The following MYT1 variants were observed in gnomAD, a reference collection of about 807,000 sequenced individuals.
The protein encoded by MYT1 is myelin transcription factor I.
Under a neutral mutation model 123.0 loss-of-function variants are expected in MYT1, and 23 were observed. That is an observed-to-expected ratio of 0.19 (90% CI 0.13 to 0.26). The LOEUF is 0.26. Ranked by LOEUF, MYT1 falls within the 10% of genes least tolerant of loss-of-function variation. The probability of loss-of-function intolerance (pLI) is 1.00; values close to 1 mark genes in which losing one functional copy is unlikely to be tolerated. For synonymous variants in MYT1, 518 were observed against 575.3 expected (o/e 0.90, Z 1.43); for missense variants, 1,125 against 1,472.5 (o/e 0.76, Z 3.86).
At chr20:64,200,244 G>A (rs371758296) in intron 4 of MYT1, among the ~76,000 whole-genome samples, 2 of 152,188 alleles carry the variant, frequency 1.3e-5, no homozygotes, top group African/African-American at 2.4e-5. Context: ...CTCTCTTACC[G>A]GACCCTCACA....
intron 1 of MYT1, among the ~76,000 whole-genome samples, chr20:64,183,977 T>C (rs1982727214): frequency 3.3e-5 from 5 of 152,062 alleles, no homozygotes; most frequent in Admixed American, 3.3e-4. Context: ...CGCACCGCCA[T>C]ACCCAGCTAA....
intron 10 of MYT1, 138 bp from the exon 11 acceptor site, chr20:64,216,929 G>A: frequency 1.3e-6 from 1 of 759,096 alleles, no homozygotes; most frequent in Non-Finnish European, 2.2e-6. Context: ...GAATATGCAG[G>A]GGTAGTGTCT....
At chr20:64,209,865 G>A (rs1983613511) in intron 7 of MYT1, among the ~76,000 whole-genome samples, 1 of 152,234 alleles carries the variant, frequency 6.6e-6, no homozygotes, top group Non-Finnish European at 1.5e-5. Context: ...TGGACCCAAA[G>A]AATGGCTTTG....
intron 1 of MYT1, among the ~76,000 whole-genome samples, chr20:64,171,634 G>A (rs909968699): frequency 6.7e-6 from 1 of 149,558 alleles, no homozygotes; most frequent in African/African-American, 2.5e-5. Context: ...CTGGCATCTG[G>A]AGGAACCCAA....
intron 4 of MYT1, among the ~76,000 whole-genome samples, chr20:64,204,831 A>G (rs6011342): frequency 0.11 from 17,131 of 152,194 alleles, 1,368 homozygotes; most frequent in African/African-American, 0.22. Context: ...ATGTATACAC[A>G]GTCTTTAATT....
rs917345282 is a variant in MYT1, at chr20:64,207,784, C to T, written c.588C>T (p.His196=). 9.3e-6 allele frequency: 15 copies of T among 1,613,724 alleles called. No individual in the cohort carries two copies. The highest frequency in any genetic ancestry group is 2.2e-5 in the South Asian group (2 of 91,058). The change falls in exon 7 of 23, where the codon CAC becomes CAT. Residue 196 remains histidine (H), a synonymous_variant. Transcript: ENST00000328439. ...QAAKPGPGIV[H]LLQEAAEGAA... is the part of the protein sequence containing the mutation. The stretch of plus-strand genomic sequence containing the variant: ...CCAAGCCAGGTCCTGGCATTGTGCA[C>T]CTGCTTCAGGAGGCTGCAGAGGGAG...
intron 1 of MYT1, among the ~76,000 whole-genome samples, chr20:64,184,302 G>A (rs1982737621): frequency 6.6e-6 from 1 of 151,958 alleles, no homozygotes; most frequent in Non-Finnish European, 1.5e-5. Context: ...ATGTGATCCA[G>A]TGCGAGCTAA....
chr20:64,221,839 C>T (rs1052771694), intron 13 of MYT1, 54 bp from the exon 14 acceptor site: 16 of 1,591,538 alleles, frequency 1.0e-5, no homozygotes, highest in East Asian at 2.3e-5. Context: ...CTGGGTTGGG[C>T]GCCCAGGCCT....
At position 64,185,965 on chromosome 20, in the gene MYT1, C is replaced by T. The variant is rs1260858547; in HGVS notation, c.-98-4098C>T. Among the ~76,000 whole-genome samples, 1 of 152,168 alleles carries T rather than the reference C, an allele frequency of 6.6e-6. No individual in the cohort carries two copies. Among genetic ancestry groups the T allele is most frequent in the East Asian group, 1.9e-4 (1 of 5,190 alleles). ...CTGGGTCAGGCTGGTCTCCAGTTTG[C>T]AGTGCTGCTGAGTTGGAAAAAGAGG... On this transcript the variant is annotated intron_variant, in intron 1 of 22. Coordinates refer to ENST00000328439, the MANE Select transcript of MYT1 (RefSeq NM_004535.3). The surrounding 1 kb of genome is among the most constrained non-coding windows in gnomAD (Gnocchi z 4.5).
intron 4 of MYT1, among the ~76,000 whole-genome samples, chr20:64,201,661 A>C (rs1983304731): frequency 6.6e-6 from 1 of 152,150 alleles, no homozygotes; most frequent in African/African-American, 2.4e-5. Context: ...ACACCACAGA[A>C]ATGGACTGAT....
rs1418760879 is a variant in MYT1, at chr20:64,232,388, A to G, written c.2897+3A>G. On this transcript the variant is annotated splice_donor_region_variant and intron_variant, in intron 19 of 22. Coordinates refer to ENST00000328439, the MANE Select transcript of MYT1 (RefSeq NM_004535.3). This position sits in a 1 kb window ranked among gnomAD's most constrained non-coding sequence, Gnocchi z 6.9. ...GGGAGTTTCCTCACCCACCGGAGGTAACTGTGCCTGCAGGTCCTGCCCCTC... is the reference window on the plus strand; with the variant it reads ...GGGAGTTTCCTCACCCACCGGAGGTGACTGTGCCTGCAGGTCCTGCCCCTC... 3 of 1,612,844 alleles carry G rather than the reference A, an allele frequency of 1.9e-6. No individual in the cohort carries two copies. The highest frequency in any genetic ancestry group is 2.5e-6 in the Non-Finnish European group (3 of 1,179,852).
intron 16 of MYT1, among the ~76,000 whole-genome samples, chr20:64,226,598 G>T (rs927899325): frequency 2.6e-5 from 4 of 152,212 alleles, no homozygotes; most frequent in Non-Finnish European, 4.4e-5. Context: ...GGATCTACCC[G>T]CAGAATCAGG....
rs546135291 is a variant in MYT1, at chr20:64,185,377, T to C, written c.-98-4686T>C. 2.0e-5 allele frequency among the ~76,000 whole-genome samples: 3 copies of C among 152,234 alleles called. No individual in the cohort carries two copies. The East Asian group carries it at 5.8e-4, about 29-fold the overall frequency. On this transcript the variant is annotated intron_variant, in intron 1 of 22. Coordinates refer to ENST00000328439, the MANE Select transcript of MYT1 (RefSeq NM_004535.3). The surrounding 1 kb of genome is among the most constrained non-coding windows in gnomAD (Gnocchi z 4.5). ...GAGGTGTGGGCTCCTCTCAAGTGAC[T>C]ACCCTTCCCCTCTTTGCTGAGGGGC...
In MYT1 at chr20:64,192,732, G is replaced by T. The variant is rs536443890; in HGVS notation, c.-1+2572G>T. Among the ~76,000 whole-genome samples the T allele has an allele frequency of 4.2e-4, 64 of 152,314 alleles. No homozygotes were observed. The highest frequency in any genetic ancestry group is 1.5e-3 in the African/African-American group (64 of 41,566). On this transcript the variant is annotated intron_variant, in intron 2 of 22. Coordinates refer to ENST00000328439, the MANE Select transcript of MYT1 (RefSeq NM_004535.3). This position sits in a 1 kb window ranked among gnomAD's most constrained non-coding sequence, Gnocchi z 5.3. ...AATCAAGGAAAAGATCAGTTGCATG[G>T]CCATTCAGCCAACCCTTCTTCCTGC...
chr20:64,181,764 G>C (rs181465804), intron 1 of MYT1, among the ~76,000 whole-genome samples: 154 of 152,364 alleles, frequency 1.0e-3, no homozygotes, highest in African/African-American at 3.4e-3. Flanking sequence ...TGAGCACCCT[G>C]GCAGTTCTCA....
At chr20:64,188,404 T>C (rs1197319047) in intron 1 of MYT1, among the ~76,000 whole-genome samples, 1 of 152,128 alleles carries the variant, frequency 6.6e-6, no homozygotes, top group Non-Finnish European at 1.5e-5. Context: ...TGCTTGAGCC[T>C]TGCCAATCAG....
intron 6 of MYT1, 24 bp from the exon 7 acceptor site, chr20:64,207,570 C>G (rs1333052297): frequency 6.2e-7 from 1 of 1,601,464 alleles, no homozygotes; most frequent in Admixed American, 1.7e-5. Flanking sequence ...CTCTGGCCCC[C>G]ACGTTGATTT....
At chr20:64,220,923 G>C (rs543213279) in intron 13 of MYT1, among the ~76,000 whole-genome samples, 1 of 75,686 alleles carries the variant, frequency 1.3e-5, no homozygotes, top group Non-Finnish European at 2.9e-5. Context: ...CCTATGAAGG[G>C]TGGGGGCTGG....
intron 21 of MYT1, 27 bp downstream of exon 21, chr20:64,237,417 G>T (rs1984585536): frequency 9.0e-6 from 14 of 1,551,022 alleles, no homozygotes; most frequent in Non-Finnish European, 1.2e-5. Flanking sequence ...CCCGCTCCTG[G>T]GCTCTTTGCC....
Sources: gnomAD v4.1 joint callset for allele counts (sites outside exome capture counted in the v4.1 genomes callset) on GRCh38, gnomAD v4.1.1 for gene constraint, Gnocchi (gnomAD v3.1) non-coding constraint, MANE v1.5 for transcripts, NCBI Gene and HGNC (gene_info 2026-07-23, HGNC 2026-07-21) for gene names.